PXMP2: variants seen among roughly 807,000 people sequenced by gnomAD.
PXMP2 encodes 22 kDa peroxisomal membrane protein.
In PXMP2, 13 loss-of-function variants were observed where a neutral mutation model predicts 20.2. The observed-to-expected ratio is 0.64, with a 90% CI of 0.42 to 1.02. The LOEUF (loss-of-function observed/expected upper bound fraction) is 1.02. Among genes scored for constraint, PXMP2 ranks in the 50% least tolerant of loss-of-function variants. The pLI, the probability that PXMP2 is intolerant of heterozygous loss-of-function variation, is 0.00. For synonymous variants in PXMP2, 113 were observed against 111.2 expected (o/e 1.02, Z -0.10); for missense variants, 284 against 251.8 (o/e 1.13, Z -0.87).
At chr12:132,703,299 GAGA>G (rs1337108165) in intron 4 of PXMP2, among the ~76,000 whole-genome samples, 5 of 152,198 alleles carry the variant, frequency 3.3e-5, no homozygotes, top group African/African-American at 9.7e-5. Context: ...AAAAGTTTGA[GAGA>G]AGGTGAGAAG....
At chr12:132,701,472 T>G in intron 4 of PXMP2, 103 bp downstream of exon 4, 1 of 1,417,556 alleles carries the variant, frequency 7.1e-7, no homozygotes, top group Non-Finnish European at 9.5e-7. Flanking sequence ...TCTTCTTTTC[T>G]CTTCTCTTCT....
In PXMP2 at chr12:132,689,364, T is replaced by C. The variant is rs191579524; in HGVS notation, c.123-899T>C. ...TGAGAAGGTGACATTGAACAGGCTGTGTAAAGAAGTGGAGCAGAGGCTCTC... is the reference window on the plus strand; with the variant it reads ...TGAGAAGGTGACATTGAACAGGCTGCGTAAAGAAGTGGAGCAGAGGCTCTC... On this transcript the variant is annotated intron_variant, in intron 1 of 4. Coordinates refer to ENST00000317479, the MANE Select transcript of PXMP2 (RefSeq NM_018663.3). Among the ~76,000 whole-genome samples, 360 of 152,138 alleles carry C rather than the reference T, an allele frequency of 2.4e-3. 2 individuals carry two copies. The highest frequency in any genetic ancestry group is 0.01 in the Middle Eastern group (3 of 292).
intron 3 of PXMP2, among the ~76,000 whole-genome samples, chr12:132,698,037 A>T (rs1363660152): frequency 1.0e-4 from 14 of 137,898 alleles, no homozygotes; most frequent in African/African-American, 3.3e-4. Flanking sequence ...TTTGAGACGG[A>T]GTCTCACACT....
In PXMP2 at chr12:132,695,912, T is replaced by C. The variant is rs771837114; in HGVS notation, c.265T>C (p.Phe89Leu). 20 of 1,607,988 alleles carry C rather than the reference T, an allele frequency of 1.2e-5. No homozygotes were observed. The highest frequency in any genetic ancestry group is 1.7e-5 in the Non-Finnish European group (20 of 1,177,256). ...CTTCTTCACAGGGCCGCTGAGTCAC[T>C]TCTTCTACTTCTTCATGGAACATTG... Reference protein sequence around the residue: ...GFFFTGPLSHFFYFFMEHWIP... With the variant: ...GFFFTGPLSHLFYFFMEHWIP... The change falls in exon 3 of 5, where the codon TTC becomes CTC. Residue 89 changes from phenylalanine to leucine, a missense_variant. Coordinates refer to ENST00000317479, the MANE Select transcript of PXMP2 (RefSeq NM_018663.3).
Position 132,687,629 on chromosome 12 carries a change from A to G in PXMP2, c.-42A>G. On this transcript the variant is annotated 5_prime_UTR_variant, in exon 1 of 5. Coordinates refer to ENST00000317479, the MANE Select transcript of PXMP2 (RefSeq NM_018663.3). ...TCGGGCTCCGCGCCCGGCCAGCCTG[A>G]GGTGGGGTCGGTGCCCCCGGCGGCA... 1 of 1,157,882 alleles carries G rather than the reference A, an allele frequency of 8.6e-7. No homozygotes were observed. Among genetic ancestry groups the G allele is most frequent in the Non-Finnish European group, 1.1e-6 (1 of 941,348 alleles). The allele number at this position is 1,157,882 out of a possible 1,614,324, so 71.7% of individuals were successfully genotyped here. A position where few individuals can be genotyped will look rare whatever the true frequency, so the allele number is the denominator to read the frequency against.
rs117997265 is a variant in PXMP2 at position 132,695,509 on chromosome 12, G to A, written c.237-375G>A. ...GTGGAGCCTGCCTTCTAGGGGGGAC[G>A]AGAGGCACAGACTAACCTAACATAT... On this transcript the variant is annotated intron_variant, in intron 2 of 4. Coordinates refer to ENST00000317479, the MANE Select transcript of PXMP2 (RefSeq NM_018663.3). Among the ~76,000 whole-genome samples the A allele has an allele frequency of 9.6e-3, 1,461 of 152,312 alleles. 8 individuals carry two copies. The highest frequency in any genetic ancestry group is 0.016 in the Non-Finnish European group (1,095 of 68,010).
chr12:132,702,801 C>T (rs2043450033), intron 4 of PXMP2, among the ~76,000 whole-genome samples: 1 of 152,202 alleles, frequency 6.6e-6, no homozygotes, highest in African/African-American at 2.4e-5. Flanking sequence ...TGCAGAGGGC[C>T]TTCCTGCATT....
intron 3 of PXMP2, among the ~76,000 whole-genome samples, chr12:132,699,985 C>T (rs548304279): frequency 4.6e-5 from 7 of 151,680 alleles, no homozygotes; most frequent in African/African-American, 1.5e-4. Flanking sequence ...TTCCCACCAG[C>T]AGTGTGTAAG....
chr12:132,687,832 A>G (rs2043316764), intron 1 of PXMP2, 40 bp downstream of exon 1: 39 of 1,117,692 alleles, frequency 3.5e-5, no homozygotes, highest in Non-Finnish European at 4.2e-5. Flanking sequence ...CCCCGGCCCC[A>G]GGTCGGCCGC....
At position 132,701,363 on chromosome 12, in the gene PXMP2, T is replaced by C. The variant is rs1448614517; in HGVS notation, c.513T>C (p.Pro171=). The C allele has an allele frequency of 6.8e-6, 11 of 1,612,450 alleles. No homozygotes were observed. Among genetic ancestry groups the C allele is most frequent in the Non-Finnish European group, 9.3e-6 (11 of 1,179,700 alleles). The change falls in exon 4 of 5, where the codon CCT becomes CCC. Residue 171 remains proline (P), a synonymous_variant. Transcript: ENST00000317479. ...PLQFININYV[P]LKFRVLFANL... ...AGTTCATCAACATCAACTACGTCCC[T>C]CTGAAGGTGAGGGCCACGGGGCTCA... is the stretch of plus-strand genomic sequence containing the variant.
At position 132,687,629 on chromosome 12, in the gene PXMP2, A is replaced by AGGT; in HGVS notation, c.-39_-37dup. The AGGT allele has an allele frequency of 8.6e-7, 1 of 1,157,882 alleles. No individual in the cohort carries two copies. Among genetic ancestry groups the AGGT allele is most frequent in the East Asian group, 4.0e-5 (1 of 24,846 alleles). 71.7% of individuals were successfully genotyped at this position (1,157,882 alleles called of 1,614,324 possible). A position where few individuals can be genotyped will look rare whatever the true frequency, so the allele number is the denominator to read the frequency against. Reference sequence around the variant, plus strand: ...TCGGGCTCCGCGCCCGGCCAGCCTGAGGTGGGGTCGGTGCCCCCGGCGGCA... The same window carrying AGGT: ...TCGGGCTCCGCGCCCGGCCAGCCTGAGGTGGTGGGGTCGGTGCCCCCGGCGGCA... On this transcript the variant is annotated 5_prime_UTR_variant, in exon 1 of 5. Transcript: ENST00000317479.
chr12:132,702,413 C>T lies in PXMP2; in HGVS notation c.519+1044C>T, dbSNP rs756328993. On this transcript the variant is annotated intron_variant, in intron 4 of 4. Transcript: ENST00000317479. ...CTCCAGGCTCTGCCACTGGGATCAA[C>T]TGTCTTTATGCACAGCCAGGGTCCC... 9.6e-5 allele frequency: 30 copies of T among 312,530 alleles called. 1 individual carries two copies. Among genetic ancestry groups the T allele is most frequent in the South Asian group, 7.1e-4 (30 of 42,052 alleles). The allele number at this position is 312,530 out of a possible 1,614,324, so 19.4% of individuals were successfully genotyped here. A position where few individuals can be genotyped will look rare whatever the true frequency, so the allele number is the denominator to read the frequency against.
At chr12:132,692,712 A>AGTTAGTTAGTGAGCG (rs1565990638) in intron 2 of PXMP2, among the ~76,000 whole-genome samples, 1,188 of 49,348 alleles carry the variant, frequency 0.024, 22 homozygotes, top group Non-Finnish European at 0.036. Context: ...GTTAGTGAGC[A>AGTTAGTTAGTGAGCG]CCCTTGCCAG....
At chr12:132,691,800 A>G (rs1375391831) in intron 2 of PXMP2, among the ~76,000 whole-genome samples, 1 of 152,244 alleles carries the variant, frequency 6.6e-6, no homozygotes, top group Non-Finnish European at 1.5e-5. Context: ...AAGACTGTCA[A>G]CGTCACAAGT....
At chr12:132,701,150 C>A in intron 3 of PXMP2, 100 bp from the exon 4 acceptor site, 1 of 1,523,952 alleles carries the variant, frequency 6.6e-7, no homozygotes, top group African/African-American at 1.4e-5. Context: ...GAACAAAATC[C>A]AATAGCAGTT....
intron 3 of PXMP2, 77 bp from the exon 4 acceptor site, chr12:132,701,173 C>T: frequency 3.8e-6 from 6 of 1,580,010 alleles, no homozygotes; most frequent in Middle Eastern, 3.4e-4. Context: ...AAAACCATCA[C>T]GATAGGGTCT....
intron 2 of PXMP2, among the ~76,000 whole-genome samples, chr12:132,691,074 C>G (rs1593104016): frequency 7.1e-6 from 1 of 140,450 alleles, no homozygotes; most frequent in Non-Finnish European, 1.5e-5. Context: ...TTTTTTGAGA[C>G]GGAATCTCAC....
intron 3 of PXMP2, 110 bp from the exon 4 acceptor site, chr12:132,701,140 G>A (rs1032850103): frequency 5.3e-5 from 79 of 1,493,310 alleles, no homozygotes; most frequent in Non-Finnish European, 7.0e-5. Context: ...CGTACACACA[G>A]AACAAAATCC....
chr12:132,690,140 C>T (rs2043357632), intron 1 of PXMP2, 123 bp from the exon 2 acceptor site: 3 of 729,270 alleles, frequency 4.1e-6, no homozygotes, highest in East Asian at 2.5e-5. Flanking sequence ...GCCGCTTTAA[C>T]AAGAATTCCT....
Sources: gnomAD v4.1 joint callset for allele counts (sites outside exome capture counted in the v4.1 genomes callset) on GRCh38, gnomAD v4.1.1 for gene constraint, MANE v1.5 for transcripts, NCBI Gene and HGNC (gene_info 2026-07-23, HGNC 2026-07-21) for gene names.